Variants in IQCM observed in about 807,000 individuals in gnomAD.
IQCM encodes IQ domain-containing protein M.
IQCM carries 45 observed loss-of-function variants against 57.6 expected under a neutral mutation model. That is an observed-to-expected ratio of 0.78 (90% confidence interval 0.62 to 1.00). IQCM has a LOEUF of 1.00. IQCM is among the 50% of genes least tolerant of loss of function. The pLI, the probability that IQCM is intolerant of heterozygous loss-of-function variation, is 0.00. For synonymous variants in IQCM, 148 were observed against 158.9 expected (o/e 0.93, Z 0.51); for missense variants, 468 against 511.6 (o/e 0.91, Z 0.82).
intron 12 of IQCM, among the ~76,000 whole-genome samples, chr4:149,447,181 T>A (rs182569056): frequency 2.6e-5 from 4 of 151,488 alleles, no homozygotes; most frequent in Admixed American, 6.6e-5. Context: ...GTAAGGTAGG[T>A]TTGTAAGAAA....
intron 5 of IQCM, among the ~76,000 whole-genome samples, chr4:149,700,664 G>T (rs568163469): frequency 7.2e-5 from 11 of 151,944 alleles, no homozygotes; most frequent in African/African-American, 2.7e-4. Context: ...AGGAGCATGG[G>T]CATTTGAGTC....
intron 11 of IQCM, 140 bp from the exon 12 acceptor site, chr4:149,548,729 A>G (rs759360630): frequency 2.1e-5 from 9 of 421,722 alleles, no homozygotes; most frequent in Non-Finnish European, 3.6e-5. Flanking sequence ...GGCAAAGGTT[A>G]GAAGGAAGTG....
At chr4:149,505,107 G>C (rs1743656691) in intron 12 of IQCM, among the ~76,000 whole-genome samples, 1 of 152,092 alleles carries the variant, frequency 6.6e-6, no homozygotes, top group Admixed American at 6.6e-5. Context: ...AACTAAGACA[G>C]CAACCTATAG....
chr4:149,579,370 C>G (rs1295795568), intron 9 of IQCM, among the ~76,000 whole-genome samples: 1 of 151,838 alleles, frequency 6.6e-6, no homozygotes, highest in Non-Finnish European at 1.5e-5. Flanking sequence ...TAGCCTGTAG[C>G]TGAAGCCAAT....
chr4:149,645,672 C>CT (rs1290561292), intron 7 of IQCM, among the ~76,000 whole-genome samples: 7 of 152,056 alleles, frequency 4.6e-5, no homozygotes, highest in Admixed American at 1.3e-4. Flanking sequence ...GTAGCACTGC[C>CT]TTTTTAGTAT....
intron 7 of IQCM, among the ~76,000 whole-genome samples, chr4:149,657,697 A>G (rs962150268): frequency 3.3e-5 from 5 of 152,030 alleles, no homozygotes; most frequent in African/African-American, 9.7e-5. Context: ...GATAATTGCC[A>G]TTCTAACTCA....
At chr4:149,760,218 AATAG>A (rs922031104) in intron 2 of IQCM, among the ~76,000 whole-genome samples, 1 of 152,118 alleles carries the variant, frequency 6.6e-6, no homozygotes, top group Admixed American at 6.6e-5. Context: ...AAGAAGAAAT[AATAG>A]ATAATAAGGA....
chr4:149,729,768 T>C (rs1195061988), intron 5 of IQCM, among the ~76,000 whole-genome samples: 1 of 152,156 alleles, frequency 6.6e-6, no homozygotes, highest in Non-Finnish European at 1.5e-5. Context: ...AGTCTCTCAA[T>C]AATGACTGCC....
At chr4:149,511,520 C>A (rs1176536803) in intron 12 of IQCM, among the ~76,000 whole-genome samples, 1 of 139,998 alleles carries the variant, frequency 7.1e-6, no homozygotes, top group South Asian at 2.3e-4. Context: ...AGAATGAGAC[C>A]CTGTCTCTAA....
rs140231755 is a variant in IQCM, at chr4:149,489,806, C to T, written c.1229-56249G>A. Reference sequence around the variant, plus strand: ...ATATATACACACACACATATATATGCATATCTATAAACATATATTAGAATA... The same window carrying T: ...ATATATACACACACACATATATATGTATATCTATAAACATATATTAGAATA... On this transcript the variant is annotated intron_variant, in intron 12 of 13. Transcript: ENST00000636793. Among the ~76,000 whole-genome samples the T allele has an allele frequency of 9.9e-5, 15 of 151,408 alleles. No individual in the cohort carries two copies. In the East Asian group the frequency reaches 2.7e-3, roughly 27 times the overall value.
At chr4:149,388,522 T>TTA (rs70965183) in intron 13 of IQCM, among the ~76,000 whole-genome samples, 3,828 of 139,164 alleles carry the variant, frequency 0.028, 77 homozygotes, top group Non-Finnish European at 0.042. Flanking sequence ...TACATATATA[T>TTA]TATATATATT....
intron 2 of IQCM, among the ~76,000 whole-genome samples, chr4:149,786,803 T>C (rs1772120127): frequency 6.6e-6 from 1 of 152,116 alleles, no homozygotes; most frequent in Non-Finnish European, 1.5e-5. Context: ...AGAAATACCA[T>C]TTGACCCAGC....
At chr4:149,485,750 T>C (rs963720630) in intron 12 of IQCM, among the ~76,000 whole-genome samples, 5 of 152,106 alleles carry the variant, frequency 3.3e-5, no homozygotes, top group Non-Finnish European at 1.5e-5. Flanking sequence ...TATTTTCCTA[T>C]ATGGTGTTGA....
chr4:149,680,833 A>C (rs1293852358), intron 7 of IQCM, among the ~76,000 whole-genome samples: 1 of 151,392 alleles, frequency 6.6e-6, no homozygotes, highest in African/African-American at 2.4e-5. Flanking sequence ...ATTTTAGAAA[A>C]GTTTTCTACT....
intron 5 of IQCM, among the ~76,000 whole-genome samples, chr4:149,714,062 C>T (rs1010273425): frequency 2.0e-5 from 3 of 152,126 alleles, no homozygotes; most frequent in African/African-American, 7.2e-5. Context: ...GAATTGATCA[C>T]GCTACTAAAA....
intron 12 of IQCM, among the ~76,000 whole-genome samples, chr4:149,541,009 G>C (rs1747797793): frequency 6.6e-6 from 1 of 151,988 alleles, no homozygotes; most frequent in South Asian, 2.1e-4. Context: ...CTAATCTAAA[G>C]TCCTCTATTT....
chr4:149,562,552 A>G (rs1441142131), intron 10 of IQCM, among the ~76,000 whole-genome samples: 1 of 152,210 alleles, frequency 6.6e-6, no homozygotes, highest in Non-Finnish European at 1.5e-5. Context: ...TGGATCTGTC[A>G]ATGTCTTAGA....
In IQCM at chr4:149,497,571, A is replaced by G. The variant is rs1560915775; in HGVS notation, c.1228+50884T>C. 3.3e-5 allele frequency among the ~76,000 whole-genome samples: 5 copies of G among 152,160 alleles called. No individual in the cohort carries two copies. In the South Asian group the frequency reaches 8.3e-4, roughly 25 times the overall value. On this transcript the variant is annotated intron_variant, in intron 12 of 13. Transcript: ENST00000636793. ...GATCTCATAAAATTTATTCCCTATT[A>G]TGAGAACAGCACTGGAAAGACCTGC...
At chr4:149,619,659 T>A (rs777891250) in intron 8 of IQCM, among the ~76,000 whole-genome samples, 2 of 152,198 alleles carry the variant, frequency 1.3e-5, no homozygotes, top group Non-Finnish European at 2.9e-5. Context: ...AACAGGTAGA[T>A]AAAAGAATTT....
Sources: allele counts gnomAD v4.1 joint callset (sites outside exome capture counted in the v4.1 genomes callset), GRCh38; gene constraint gnomAD v4.1.1; transcripts MANE v1.5; gene names NCBI Gene and HGNC (gene_info 2026-07-23, HGNC 2026-07-21).